Variants in SYNGR1 observed in about 807,000 individuals in gnomAD.
The protein encoded by SYNGR1 is synaptogyrin-1.
A neutral mutation model predicts 26.1 loss-of-function variants in SYNGR1; 14 were observed. The ratio of observed to expected loss-of-function variants is 0.54; its 90% confidence interval spans 0.35 to 0.84. The LOEUF is 0.84. Among genes scored for constraint, SYNGR1 ranks in the 40% least tolerant of loss-of-function variants. SYNGR1 has a pLI of 0.01. For synonymous variants in SYNGR1, 141 were observed against 150.1 expected (o/e 0.94, Z 0.44); for missense variants, 319 against 332.9 (o/e 0.96, Z 0.33).
rs1395111041 is a variant in SYNGR1 at position 39,383,166 on chromosome 22, G to C, written c.*1252G>C. 1 of 152,640 alleles carries C rather than the reference G, an allele frequency of 6.6e-6. No homozygotes were observed. Among genetic ancestry groups the C allele is most frequent in the African/African-American group, 2.4e-5 (1 of 41,472 alleles). The allele number at this position is 152,640 out of a possible 1,614,324, so 9.5% of individuals were successfully genotyped here. A position where few individuals can be genotyped will look rare whatever the true frequency, so the allele number is the denominator to read the frequency against. On this transcript the variant is annotated 3_prime_UTR_variant, in exon 4 of 4. Transcript: ENST00000328933. ...AGGGTTCGGGGGCTGCAGCAGCCAAGCGCATGAGAGGTGTTTCCTTGGCCT... is the reference window on the plus strand; with the variant it reads ...AGGGTTCGGGGGCTGCAGCAGCCAACCGCATGAGAGGTGTTTCCTTGGCCT...
At chr22:39,372,717 C>A (rs2145626795) in intron 1 of SYNGR1, among the ~76,000 whole-genome samples, 1 of 152,082 alleles carries the variant, frequency 6.6e-6, no homozygotes, top group Non-Finnish European at 1.5e-5. Context: ...GATCCACCCA[C>A]CTCGGCCTCC....
chr22:39,351,002 G>C (rs991661198), intron 1 of SYNGR1, among the ~76,000 whole-genome samples: 4 of 152,202 alleles, frequency 2.6e-5, no homozygotes, highest in African/African-American at 7.2e-5. Flanking sequence ...CAGACGGGTG[G>C]TCAGGGAGAG....
chr22:39,380,014 A>G (rs1460365029), intron 3 of SYNGR1: 1 of 152,210 alleles, frequency 6.6e-6, no homozygotes. Flanking sequence ...CTGCTTTTCT[A>G]ATGACAAGTT....
At chr22:39,372,729 A>G (rs1925086279) in intron 1 of SYNGR1, among the ~76,000 whole-genome samples, 1 of 152,008 alleles carries the variant, frequency 6.6e-6, no homozygotes, top group Non-Finnish European at 1.5e-5. Flanking sequence ...TCGGCCTCCC[A>G]AAGTGCTGGG....
chr22:39,368,502 G>T (rs889324361), intron 1 of SYNGR1, among the ~76,000 whole-genome samples: 1 of 152,232 alleles, frequency 6.6e-6, no homozygotes, highest in Non-Finnish European at 1.5e-5. Context: ...ACCGAGGCGG[G>T]TGTCTGCTGG....
At chr22:39,371,057 A>C (rs1020153079) in intron 1 of SYNGR1, among the ~76,000 whole-genome samples, 3 of 152,232 alleles carry the variant, frequency 2.0e-5, no homozygotes, top group African/African-American at 7.2e-5. Flanking sequence ...CATGTAAACT[A>C]TAGACATCTT....
chr22:39,358,381 G>A (rs1377294795), intron 1 of SYNGR1, among the ~76,000 whole-genome samples: 2 of 152,202 alleles, frequency 1.3e-5, no homozygotes, highest in Admixed American at 6.5e-5. Context: ...GGCTGCCCGA[G>A]CTTGCATTGG....
At chr22:39,356,846 A>G (rs1721700265) in intron 1 of SYNGR1, among the ~76,000 whole-genome samples, 1 of 152,180 alleles carries the variant, frequency 6.6e-6, no homozygotes, top group African/African-American at 2.4e-5. Flanking sequence ...CATCTATCAA[A>G]TGGGAAAAGG....
chr22:39,381,681 G>A lies in SYNGR1; in HGVS notation c.484-15G>A. 6.2e-7 allele frequency: 1 copy of A among 1,612,992 alleles called. No individual in the cohort carries two copies. The highest frequency in any genetic ancestry group is 8.5e-7 in the Non-Finnish European group (1 of 1,179,902). ...CCTCCCGCCTGTCCTTGTCCTCGCC[G>A]GCCTTTGTCCCCAGGCGGGCCAGGC... On this transcript the variant is annotated splice_polypyrimidine_tract_variant and intron_variant, in intron 3 of 3. Transcript: ENST00000328933.
chr22:39,375,130 G>C (rs911562549), intron 2 of SYNGR1: 1 of 166,710 alleles, frequency 6.0e-6, no homozygotes, highest in Non-Finnish European at 1.3e-5. Context: ...TCAGGGGTCC[G>C]AACCCGAGGC....
Position 39,374,512 on chromosome 22 carries a change from A to G in SYNGR1, c.296A>G (p.Lys99Arg), listed in dbSNP as rs1925183341. ...DVYFPQISSV[K>R]DRKKAVLSDI... ...TACTTCCCGCAGATCAGCAGCGTCA[A>G]GGACCGCAAGAAAGCCGTCCTGTCC... Residue 99 changes from lysine to arginine, a missense_variant, in exon 2 of 4, where the codon AAG (lysine) becomes AGG (arginine). Physicochemically the swap from Lys to Arg is conservative, Grantham distance 26 (BLOSUM62 2). Transcript: ENST00000328933. The G allele has an allele frequency of 1.9e-6, 3 of 1,613,686 alleles. No individual in the cohort carries two copies. Among genetic ancestry groups the G allele is most frequent in the Non-Finnish European group, 1.7e-6 (2 of 1,180,010 alleles).
intron 1 of SYNGR1, among the ~76,000 whole-genome samples, chr22:39,359,651 AAAAAAAAG>A (rs1205089204): frequency 7.2e-6 from 1 of 139,112 alleles, no homozygotes; most frequent in East Asian, 2.1e-4. Flanking sequence ...AAAAAAAAAA[AAAAAAAAG>A]ATGCCCACCC....
At chr22:39,361,032 G>A (rs971840816) in intron 1 of SYNGR1, among the ~76,000 whole-genome samples, 4 of 152,224 alleles carry the variant, frequency 2.6e-5, no homozygotes, top group Non-Finnish European at 5.9e-5. Context: ...TTCTTCAGGT[G>A]TCCCATCTGG....
intron 1 of SYNGR1, chr22:39,364,395 G>A: frequency 2.5e-6 from 4 of 1,587,418 alleles, no homozygotes; most frequent in Non-Finnish European, 3.4e-6. Flanking sequence ...CTGCTTTGTG[G>A]GGATGATTTG....
rs1392776281 is a variant in SYNGR1, at chr22:39,385,122, C to T, written c.*3208C>T. 1.3e-5 allele frequency: 5 copies of T among 397,786 alleles called. No individual in the cohort carries two copies. The Admixed American group carries it at 1.3e-4, about 11-fold the overall frequency. The allele number at this position is 397,786 out of a possible 1,614,324, so 24.6% of individuals were successfully genotyped here. A position where few individuals can be genotyped will look rare whatever the true frequency, so the allele number is the denominator to read the frequency against. ...CCTGTTAGCCCTGGGAGACCCCTAA[C>T]CTTGGCCCAAGACCCCTTTGATTCT... is the stretch of plus-strand genomic sequence containing the variant. On this transcript the variant is annotated 3_prime_UTR_variant, in exon 4 of 4. Transcript: ENST00000328933.
rs886411247 is a variant in SYNGR1, at chr22:39,376,212, C to T, written c.483+15C>T. On this transcript the variant is annotated intron_variant, in intron 3 of 3. Coordinates refer to ENST00000328933, the MANE Select transcript of SYNGR1 (RefSeq NM_004711.5). ...TCTTCACCTGGGTGAGTACAGCCAC[C>T]GCGCACCAGCCCACACTCGTCCCCT... is the stretch of plus-strand genomic sequence containing the variant. 2.0e-5 allele frequency: 33 copies of T among 1,613,738 alleles called. No individual in the cohort carries two copies. Among genetic ancestry groups the T allele is most frequent in the Admixed American group, 8.3e-5 (5 of 60,004 alleles).
Position 39,353,673 on chromosome 22 carries a change from C to T in SYNGR1, c.99+3564C>T, listed in dbSNP as rs368134628. Among the ~76,000 whole-genome samples, 13 of 152,186 alleles carry T rather than the reference C, an allele frequency of 8.5e-5. No individual in the cohort carries two copies. In the East Asian group the frequency reaches 9.6e-4, roughly 11 times the overall value. ...GGTCAGAAGTGCCTGATCTGTTGCG[C>T]GGTGACTGCCGCCTGTCAGTGACTC... On this transcript the variant is annotated intron_variant, in intron 1 of 3. Coordinates refer to ENST00000328933, the MANE Select transcript of SYNGR1 (RefSeq NM_004711.5).
rs5995718 is a variant in SYNGR1 at position 39,371,656 on chromosome 22, G to A, written c.100-2660G>A. Reference sequence around the variant, plus strand: ...AAATACAAAAAATTAACCAGGTATCGTGGCAAACGCCTATAGTCCCGGCTA... The same window carrying A: ...AAATACAAAAAATTAACCAGGTATCATGGCAAACGCCTATAGTCCCGGCTA... On this transcript the variant is annotated intron_variant, in intron 1 of 3. Transcript: ENST00000328933. Among the ~76,000 whole-genome samples the A allele has an allele frequency of 7.9e-3, 1,207 of 152,070 alleles. 16 individuals carry two copies. Among genetic ancestry groups the A allele is most frequent in the African/African-American group, 0.027 (1,126 of 41,470 alleles).
At chr22:39,359,416 T>G (rs2145610887) in intron 1 of SYNGR1, among the ~76,000 whole-genome samples, 1 of 150,726 alleles carries the variant, frequency 6.6e-6, no homozygotes, top group South Asian at 2.1e-4. Context: ...GGTCAGGAGA[T>G]CAAGACCATC....
Sources: gnomAD v4.1 joint callset for allele counts (sites outside exome capture counted in the v4.1 genomes callset) on GRCh38, gnomAD v4.1.1 for gene constraint, MANE v1.5 for transcripts, NCBI Gene and HGNC (gene_info 2026-07-23, HGNC 2026-07-21) for gene names.